Variants in CCDC175 observed in about 807,000 individuals in gnomAD.
CCDC175 encodes the protein coiled-coil domain-containing protein 175.
In CCDC175, 100 loss-of-function variants were observed where a neutral mutation model predicts 114.6. The observed-to-expected ratio is 0.87, with a 90% CI of 0.74 to 1.03. The LOEUF (loss-of-function observed/expected upper bound fraction) is 1.03. CCDC175 is among the 50% of genes least tolerant of loss of function. CCDC175 has a pLI of 0.00. For missense variants in CCDC175, 880 were observed against 917.8 expected (o/e 0.96, Z 0.53); for synonymous variants, 306 against 308.7 (o/e 0.99, Z 0.09).
chr14:59,526,731 G>A (rs1893763272), intron 15 of CCDC175, among the ~76,000 whole-genome samples: 1 of 151,966 alleles, frequency 6.6e-6, no homozygotes, highest in Non-Finnish European at 1.5e-5. Context: ...TGCAACCTTT[G>A]TTCACTCACC....
At chr14:59,563,042 G>GA (rs1480525942) in intron 6 of CCDC175, among the ~76,000 whole-genome samples, 4 of 152,164 alleles carry the variant, frequency 2.6e-5, no homozygotes, top group Non-Finnish European at 5.9e-5. Context: ...AAGACACATA[G>GA]AAAAAATACA....
In CCDC175 at chr14:59,513,277, A is replaced by T. The variant is rs112841622; in HGVS notation, c.2099-1474T>A. Among the ~76,000 whole-genome samples the T allele has an allele frequency of 7.2e-4, 109 of 152,206 alleles. 2 individuals carry two copies. Among genetic ancestry groups the T allele is most frequent in the African/African-American group, 2.1e-3 (89 of 41,524 alleles). ...CGGGTGATTTCTGCATTTCCAACTGAGGTACTGGGTTCATCTCACTGGGGA... is the reference window on the plus strand; with the variant it reads ...CGGGTGATTTCTGCATTTCCAACTGTGGTACTGGGTTCATCTCACTGGGGA... On this transcript the variant is annotated intron_variant, in intron 17 of 19. Transcript: ENST00000537690.
At chr14:59,534,770 G>A (rs571845019) in intron 13 of CCDC175, among the ~76,000 whole-genome samples, 1 of 152,244 alleles carries the variant, frequency 6.6e-6, no homozygotes, top group East Asian at 1.9e-4. Flanking sequence ...ATCAGAGTCA[G>A]GCCTATGGAA....
chr14:59,517,842 A>C (rs1044429266), intron 17 of CCDC175, among the ~76,000 whole-genome samples: 3 of 152,140 alleles, frequency 2.0e-5, no homozygotes, highest in African/African-American at 7.2e-5. Context: ...TATGGAACCA[A>C]AAAAGAGCCC....
chr14:59,527,679 G>C (rs928419638), intron 14 of CCDC175, among the ~76,000 whole-genome samples: 2 of 151,612 alleles, frequency 1.3e-5, no homozygotes, highest in African/African-American at 2.4e-5. Flanking sequence ...TTAAAAAATT[G>C]CTCAGTGTTT....
Position 59,510,630 on chromosome 14 carries a change from C to CT in CCDC175, c.2305+15dup. On this transcript the variant is annotated intron_variant, in intron 19 of 19. Coordinates refer to ENST00000537690, the MANE Select transcript of CCDC175 (RefSeq NM_001164399.2). ...CAGGAAGTCCCATGTTACCAAAGCT[C>CT]TAAGCTGTTGCTTACTAAGAAGGTC... 6.5e-7 allele frequency: 1 copy of CT among 1,536,826 alleles called. No individual in the cohort carries two copies. The highest frequency in any genetic ancestry group is 8.7e-7 in the Non-Finnish European group (1 of 1,146,606).
At chr14:59,512,001 A>G (rs1439341874) in intron 17 of CCDC175, among the ~76,000 whole-genome samples, 198 bp from the exon 18 acceptor site, 1 of 152,154 alleles carries the variant, frequency 6.6e-6, no homozygotes, top group Non-Finnish European at 1.5e-5. Flanking sequence ...TATGAAAGAA[A>G]TGTTTTCAGA....
chr14:59,565,651 G>C (rs1027427298), intron 4 of CCDC175, among the ~76,000 whole-genome samples: 4 of 151,978 alleles, frequency 2.6e-5, no homozygotes, highest in Non-Finnish European at 5.9e-5. Flanking sequence ...AGGTTGCAGT[G>C]AGCCGAGATC....
At chr14:59,523,530 G>A (rs1395422054) in intron 16 of CCDC175, among the ~76,000 whole-genome samples, 4 of 152,074 alleles carry the variant, frequency 2.6e-5, no homozygotes, top group Admixed American at 6.5e-5. Context: ...ACTTTTTAAG[G>A]TTACAGTCTT....
intron 19 of CCDC175, among the ~76,000 whole-genome samples, chr14:59,506,447 C>A (rs1892399694): frequency 6.6e-6 from 1 of 151,962 alleles, no homozygotes; most frequent in Admixed American, 6.6e-5. Flanking sequence ...GCCATGACAC[C>A]CAGCTAATTT....
At chr14:59,511,849 A>T in intron 17 of CCDC175, 46 bp from the exon 18 acceptor site, 1 of 1,309,264 alleles carries the variant, frequency 7.6e-7, no homozygotes, top group Non-Finnish European at 1.0e-6. Context: ...ACACAATCTG[A>T]ACATTTTAAT....
chr14:59,571,340 G>GA (rs1008696988), intron 3 of CCDC175, among the ~76,000 whole-genome samples: 3 of 152,018 alleles, frequency 2.0e-5, no homozygotes, highest in African/African-American at 7.2e-5. Flanking sequence ...CATGGAATGG[G>GA]AAAAAAATTT....
intron 19 of CCDC175, among the ~76,000 whole-genome samples, chr14:59,508,688 T>C (rs1261605716): frequency 6.6e-6 from 1 of 151,902 alleles, no homozygotes; most frequent in East Asian, 1.9e-4. Context: ...GTGTGGCCTT[T>C]GGGAGGTGAT....
intron 3 of CCDC175, 59 bp from the exon 4 acceptor site, chr14:59,568,439 T>C (rs1896675457): frequency 3.8e-6 from 5 of 1,316,452 alleles, no homozygotes. Context: ...CTGTAGATAC[T>C]GACTTTCACG....
Position 59,543,488 on chromosome 14 carries a change from T to A in CCDC175, c.1173-34A>T, listed in dbSNP as rs1014676752. ...AAAAACAGAGTTATTTGTTGAAGGC[T>A]GACATAAATATGCAAACACAAATAA... On this transcript the variant is annotated intron_variant, in intron 9 of 19. Transcript: ENST00000537690. 4 of 832,982 alleles carry A rather than the reference T, an allele frequency of 4.8e-6. No individual in the cohort carries two copies. In the African/African-American group the frequency reaches 7.0e-5, roughly 15 times the overall value. The allele number at this position is 832,982 out of a possible 1,614,324, so 51.6% of individuals were successfully genotyped here.
chr14:59,576,782 G>C lies in CCDC175; in HGVS notation c.-7C>G, dbSNP rs949286927. The C allele has an allele frequency of 3.5e-6, 5 of 1,432,546 alleles. No individual in the cohort carries two copies. The African/African-American group carries it at 6.0e-5, about 17-fold the overall frequency. 88.7% of individuals were successfully genotyped at this position (1,432,546 alleles called of 1,614,324 possible). A position where few individuals can be genotyped will look rare whatever the true frequency, so the allele number is the denominator to read the frequency against. ...TCCAGGGGCTCAGGGCCATTTTGCC[G>C]CTCTACTTGAGCGCCTCCTAAGCCA... On this transcript the variant is annotated 5_prime_UTR_variant, in exon 1 of 20. Coordinates refer to ENST00000537690, the MANE Select transcript of CCDC175 (RefSeq NM_001164399.2).
Position 59,543,342 on chromosome 14 carries a change from A to C in CCDC175, c.1283+2T>G. 8.4e-7 allele frequency: 1 copy of C among 1,183,536 alleles called. No individual in the cohort carries two copies. The highest frequency in any genetic ancestry group is 1.1e-6 in the Non-Finnish European group (1 of 870,230). 73.3% of individuals were successfully genotyped at this position (1,183,536 alleles called of 1,614,324 possible). On this transcript the variant is annotated splice_donor_variant, in intron 10 of 19. Coordinates refer to ENST00000537690, the MANE Select transcript of CCDC175 (RefSeq NM_001164399.2). LOFTEE classifies it high-confidence loss of function. Reference sequence around the variant, plus strand: ...AAAAAATTTCAAAGGCAACAAACATACTGTTGAAGTTCCTGGAGTGTGATG... The same window carrying C: ...AAAAAATTTCAAAGGCAACAAACATCCTGTTGAAGTTCCTGGAGTGTGATG...
chr14:59,506,646 A>T (rs1892418286), intron 19 of CCDC175, among the ~76,000 whole-genome samples: 1 of 152,162 alleles, frequency 6.6e-6, no homozygotes, highest in Admixed American at 6.5e-5. Flanking sequence ...CCACTGATCT[A>T]AACTCCTCCT....
chr14:59,537,036 C>T (rs1196840841), intron 13 of CCDC175, among the ~76,000 whole-genome samples: 1 of 152,198 alleles, frequency 6.6e-6, no homozygotes, highest in Non-Finnish European at 1.5e-5. Flanking sequence ...CTACCTTGGC[C>T]TCCCAAAGTG....
Sources: gnomAD v4.1 joint callset for allele counts (sites outside exome capture counted in the v4.1 genomes callset) on GRCh38, gnomAD v4.1.1 for gene constraint, MANE v1.5 for transcripts, NCBI Gene and HGNC (gene_info 2026-07-23, HGNC 2026-07-21) for gene names.